PRR16: variants seen among roughly 807,000 people sequenced by gnomAD.
The protein encoded by PRR16 is protein Largen.
In PRR16, 6 loss-of-function variants were observed where a neutral mutation model predicts 18.2. The observed-to-expected ratio is 0.33, with a 90% CI of 0.18 to 0.65. The LOEUF is 0.65. PRR16 is among the 30% of genes least tolerant of loss of function. PRR16 has a pLI of 0.74. For missense variants in PRR16, 412 were observed against 376.6 expected (o/e 1.09, Z -0.78); for synonymous variants, 151 against 147.8 (o/e 1.02, Z -0.16).
At chr5:120,492,327 TC>T (rs1413233807) in intron 1 of PRR16, among the ~76,000 whole-genome samples, 1 of 151,614 alleles carries the variant, frequency 6.6e-6, no homozygotes. Flanking sequence ...CCTTATTTTT[TC>T]TAGGCTGGTC....
intron 1 of PRR16, among the ~76,000 whole-genome samples, chr5:120,551,152 C>T (rs1752242659): frequency 6.6e-6 from 1 of 151,930 alleles, no homozygotes; most frequent in Non-Finnish European, 1.5e-5. Context: ...AGAACTTATG[C>T]ACCCTTTGAA....
chr5:120,698,592 A>G, the PRR16 span, among the ~76,000 whole-genome samples: 2 of 151,052 alleles, frequency 1.3e-5, no homozygotes, highest in African/African-American at 4.9e-5. Context: ...TAGGGATGAC[A>G]AGTTTTTTGG....
chr5:120,663,100 C>T (rs932662074), intron 1 of PRR16, among the ~76,000 whole-genome samples: 1 of 152,114 alleles, frequency 6.6e-6, no homozygotes, highest in Non-Finnish European at 1.5e-5. Flanking sequence ...CACTGTCCAT[C>T]TTTGGTATTC....
chr5:120,767,305 G>A, the PRR16 span, among the ~76,000 whole-genome samples: 1 of 151,872 alleles, frequency 6.6e-6, no homozygotes, highest in African/African-American at 2.4e-5. Flanking sequence ...ATGCCTCAGG[G>A]CACCATAGAA....
At chr5:120,740,732 T>C in the PRR16 span, among the ~76,000 whole-genome samples, 3 of 152,168 alleles carry the variant, frequency 2.0e-5, no homozygotes, top group Admixed American at 6.5e-5. Context: ...CTCAAAAAAG[T>C]TCATAGGAAT....
chr5:120,571,289 G>A (rs1440714721), intron 1 of PRR16, among the ~76,000 whole-genome samples: 18 of 152,166 alleles, frequency 1.2e-4, no homozygotes, highest in Admixed American at 1.2e-3. Flanking sequence ...AGCCATGTGG[G>A]TGATGAGAGG....
intron 1 of PRR16, among the ~76,000 whole-genome samples, chr5:120,652,707 G>A (rs757979754): frequency 2.6e-5 from 4 of 151,960 alleles, no homozygotes; most frequent in Non-Finnish European, 5.9e-5. Flanking sequence ...AGAGCCTAAG[G>A]AGACATGATA....
At position 120,616,146 on chromosome 5, in the gene PRR16, A is replaced by G. The variant is rs535543185; in HGVS notation, c.160-69808A>G. ...TACTGACACAGCGTAGTGCTCTACA[A>G]GTAGCTAACAAAGAATGAGTCAGTA... On this transcript the variant is annotated intron_variant, in intron 1 of 1. Coordinates refer to ENST00000407149, the MANE Select transcript of PRR16 (RefSeq NM_001300783.2). Among the ~76,000 whole-genome samples the G allele has an allele frequency of 3.3e-5, 5 of 152,276 alleles. No homozygotes were observed. In the East Asian group the frequency reaches 9.7e-4, roughly 29 times the overall value.
chr5:120,783,900 C>T, the PRR16 span, among the ~76,000 whole-genome samples: 4 of 152,070 alleles, frequency 2.6e-5, no homozygotes, highest in Non-Finnish European at 4.4e-5. Context: ...TGGTAATCAT[C>T]ATTCTACTTT....
the PRR16 span, among the ~76,000 whole-genome samples, chr5:120,737,626 T>G: frequency 6.6e-6 from 1 of 151,780 alleles, no homozygotes; most frequent in East Asian, 1.9e-4. Flanking sequence ...CTCCCTCTCT[T>G]AGTTTTTTCT....
intron 1 of PRR16, among the ~76,000 whole-genome samples, chr5:120,480,714 G>A (rs1427563570): frequency 6.6e-6 from 1 of 152,144 alleles, no homozygotes; most frequent in Non-Finnish European, 1.5e-5. Flanking sequence ...GTTGCAGAGA[G>A]CAAGGAAAAA....
intron 1 of PRR16, among the ~76,000 whole-genome samples, chr5:120,540,247 C>A (rs1437394755): frequency 6.6e-6 from 1 of 152,142 alleles, no homozygotes; most frequent in Non-Finnish European, 1.5e-5. Flanking sequence ...CTCAGCAGGG[C>A]AATTGCAGAG....
chr5:120,499,153 A>G lies in PRR16; in HGVS notation c.159+34508A>G, dbSNP rs1379776308. On this transcript the variant is annotated intron_variant, in intron 1 of 1. Coordinates refer to ENST00000407149, the MANE Select transcript of PRR16 (RefSeq NM_001300783.2). The stretch of plus-strand genomic sequence containing the variant: ...AGACGGAGTTCCGCTCTTGTTGCCC[A>G]GGCTGGAGTGCAATGGCGTGATCTC... Among the ~76,000 whole-genome samples, 4 of 149,178 alleles carry G rather than the reference A, an allele frequency of 2.7e-5. No individual in the cohort carries two copies. In the East Asian group the frequency reaches 5.9e-4, roughly 22 times the overall value.
At position 120,638,580 on chromosome 5, in the gene PRR16, T is replaced by C. The variant is rs192551966; in HGVS notation, c.160-47374T>C. ...AAAAGACAAAGTACTCTGAGGTAGC[T>C]CTTTCTCAAAGACATGTTGGGATTT... On this transcript the variant is annotated intron_variant, in intron 1 of 1. Coordinates refer to ENST00000407149, the MANE Select transcript of PRR16 (RefSeq NM_001300783.2). Among the ~76,000 whole-genome samples the C allele has an allele frequency of 1.9e-3, 290 of 152,222 alleles. 1 individual carries two copies. The highest frequency in any genetic ancestry group is 4.4e-4 in the Non-Finnish European group (30 of 67,984).
intron 1 of PRR16, among the ~76,000 whole-genome samples, chr5:120,632,628 C>A (rs1349176206): frequency 6.6e-6 from 1 of 152,104 alleles, no homozygotes; most frequent in African/African-American, 2.4e-5. Flanking sequence ...GAAGAAAGAA[C>A]TTCAGAACTT....
intron 1 of PRR16, among the ~76,000 whole-genome samples, chr5:120,548,696 T>C (rs1752152670): frequency 1.3e-5 from 2 of 151,990 alleles, no homozygotes; most frequent in South Asian, 4.1e-4. Flanking sequence ...GGAAATAAAT[T>C]AGGGCTTGAC....
Position 120,543,316 on chromosome 5 carries a change from G to A in PRR16, c.159+78671G>A, listed in dbSNP as rs149251060. 2.0e-4 allele frequency among the ~76,000 whole-genome samples: 31 copies of A among 152,166 alleles called. No individual in the cohort carries two copies. The East Asian group carries it at 5.8e-3, about 28-fold the overall frequency. On this transcript the variant is annotated intron_variant, in intron 1 of 1. Coordinates refer to ENST00000407149, the MANE Select transcript of PRR16 (RefSeq NM_001300783.2). ...GATGCAAGAGTGTGGCATTTGGTGA[G>A]CATATCGTGGGGTTATTTTCTTCCT...
At chr5:120,591,502 C>T (rs572996187) in intron 1 of PRR16, among the ~76,000 whole-genome samples, 1 of 151,890 alleles carries the variant, frequency 6.6e-6, no homozygotes, top group African/African-American at 2.4e-5. Flanking sequence ...ATCTGCATTT[C>T]ATGGTGTCCT....
At chr5:120,536,837 A>G (rs1174213305) in intron 1 of PRR16, among the ~76,000 whole-genome samples, 1 of 152,256 alleles carries the variant, frequency 6.6e-6, no homozygotes, top group African/African-American at 2.4e-5. Flanking sequence ...TTTTAAAAAT[A>G]CACATCATGG....
Sources: allele counts gnomAD v4.1 joint callset (sites outside exome capture counted in the v4.1 genomes callset), GRCh38; gene constraint gnomAD v4.1.1; transcripts MANE v1.5; gene names NCBI Gene and HGNC (gene_info 2026-07-23, HGNC 2026-07-21).